The following LIMCH1 variants were observed in gnomAD, a reference collection of about 807,000 sequenced individuals.
LIMCH1 encodes LIM and calponin homology domains-containing protein 1.
A neutral mutation model predicts 176.5 loss-of-function variants in LIMCH1; 113 were observed. The observed-to-expected ratio is 0.64, with a 90% CI of 0.55 to 0.75. The LOEUF (loss-of-function observed/expected upper bound fraction) is 0.75, where lower values mean the gene tolerates loss of function less well. LIMCH1 is among the 30% of genes least tolerant of loss of function. LIMCH1 has a pLI of 0.00. For synonymous variants in LIMCH1, 619 were observed against 645.9 expected (o/e 0.96, Z 0.63); for missense variants, 1,674 against 1,814.9 (o/e 0.92, Z 1.41).
chr4:41,532,509 G>A (rs2077438590), intron 3 of LIMCH1, among the ~76,000 whole-genome samples: 1 of 152,138 alleles, frequency 6.6e-6, no homozygotes, highest in East Asian at 1.9e-4. Context: ...CGGAAACCAG[G>A]GCAACAGATG....
chr4:41,494,605 G>A lies in LIMCH1; in HGVS notation c.166G>A (p.Glu56Lys), dbSNP rs768241351. The A allele has an allele frequency of 5.0e-6, 8 of 1,601,010 alleles. No individual in the cohort carries two copies. Among genetic ancestry groups the A allele is most frequent in the African/African-American group, 4.0e-5 (3 of 74,608 alleles). The stretch of plus-strand genomic sequence containing the variant: ...TTTAGAAAATGGAATCCTCCTCTGC[G>A]AGTAAGTATAGCCTATATTCAGTTG... Residue 56 changes from glutamate (E) to lysine (K), a missense_variant and splice_region_variant, in exon 2 of 27, where the codon GAG becomes AAG. By Grantham distance (56) the Glu-to-Lys change is moderately conservative. Coordinates refer to the LIMCH1 transcript ENST00000313860.
intron 21 of LIMCH1, among the ~76,000 whole-genome samples, chr4:41,667,780 G>A (rs1230791271): frequency 1.3e-5 from 2 of 152,006 alleles, no homozygotes; most frequent in Non-Finnish European, 2.9e-5. Context: ...CAACCCAGAG[G>A]GACTATGCTT....
chr4:41,454,974 GTGTGTT>G (rs774229283), intron 1 of LIMCH1, among the ~76,000 whole-genome samples: 88 of 148,036 alleles, frequency 5.9e-4, no homozygotes, highest in Non-Finnish European at 1.1e-3. Flanking sequence ...GTGTGTGTGT[GTGTGTT>G]TGTGTGGTCA....
intron 1 of LIMCH1, among the ~76,000 whole-genome samples, chr4:41,369,939 A>AGTGTGTGTGTGTGTGT (rs113302113): frequency 0.018 from 2,547 of 138,304 alleles, 89 homozygotes; most frequent in African/African-American, 0.066. Context: ...CAGGAAGCAA[A>AGTGTGTGTGTGTGTGT]GTGTGTGTGT....
chr4:41,646,871 A>C lies in LIMCH1; in HGVS notation c.2798A>C (p.Gln933Pro). 2 of 1,613,742 alleles carry C rather than the reference A, an allele frequency of 1.2e-6. No homozygotes were observed. Among genetic ancestry groups the C allele is most frequent in the East Asian group, 2.2e-5 (1 of 44,868 alleles). Residue 933 changes from glutamine to proline, a missense_variant, in exon 17 of 32, where the codon CAA becomes CCA. Coordinates refer to ENST00000503057, the MANE Select transcript of LIMCH1 (RefSeq NM_001330672.2). Reference sequence around the variant, plus strand: ...CCTTACTCCCAGCCCAAAAATTCTCAAGATGTTCTGAAGACCTTTAAGGTA... The same window carrying C: ...CCTTACTCCCAGCCCAAAAATTCTCCAGATGTTCTGAAGACCTTTAAGGTA... Reference protein sequence around the residue: ...PKPYSQPKNSQDVLKTFKVDG... With the variant: ...PKPYSQPKNSPDVLKTFKVDG...
chr4:41,681,111 G>A, intron 25 of LIMCH1, 52 bp downstream of exon 25: 2 of 1,133,540 alleles, frequency 1.8e-6, no homozygotes, highest in Non-Finnish European at 2.7e-6. Context: ...CTAAATGGAA[G>A]TACCAAACCC....
At chr4:41,533,418 C>T (rs968284487), upstream of LIMCH1, among the ~76,000 whole-genome samples, 4 of 152,224 alleles carry the variant, frequency 2.6e-5, no homozygotes, top group Admixed American at 1.3e-4. Context: ...GTCTATTGAG[C>T]AGCCAGGGCA....
At chr4:41,413,223 T>G (rs1249039501) in intron 1 of LIMCH1, among the ~76,000 whole-genome samples, 1 of 151,924 alleles carries the variant, frequency 6.6e-6, no homozygotes, top group East Asian at 1.9e-4. Flanking sequence ...AATAAGTTTT[T>G]TTTTTTTTTT....
At chr4:41,472,761 A>G (rs2067165081) in intron 1 of LIMCH1, among the ~76,000 whole-genome samples, 1 of 152,148 alleles carries the variant, frequency 6.6e-6, no homozygotes, top group African/African-American at 2.4e-5. Context: ...TCTTGGTTAG[A>G]CAGATTGGGA....
At chr4:41,369,939 A>AGTGTGTGTGTGTGTGTGTGTGTGT (rs113302113) in intron 1 of LIMCH1, among the ~76,000 whole-genome samples, 7,177 of 138,106 alleles carry the variant, frequency 0.052, 302 homozygotes, top group African/African-American at 0.095. Flanking sequence ...CAGGAAGCAA[A>AGTGTGTGTGTGTGTGTGTGTGTGT]GTGTGTGTGT....
At chr4:41,688,341 C>T (rs945516134) in intron 29 of LIMCH1, among the ~76,000 whole-genome samples, 1 of 152,222 alleles carries the variant, frequency 6.6e-6, no homozygotes, top group Non-Finnish European at 1.5e-5. Context: ...TACTCCAGCT[C>T]TCTAATGATG....
At chr4:41,483,735 C>A (rs1048104598) in intron 1 of LIMCH1, among the ~76,000 whole-genome samples, 1 of 152,188 alleles carries the variant, frequency 6.6e-6, no homozygotes, top group Non-Finnish European at 1.5e-5. Flanking sequence ...CTGCCTGGAG[C>A]GCCCTACTTC....
intron 1 of LIMCH1, among the ~76,000 whole-genome samples, chr4:41,470,117 C>G (rs1397711701): frequency 2.0e-5 from 3 of 152,180 alleles, no homozygotes; most frequent in Non-Finnish European, 4.4e-5. Context: ...AATGGGCACC[C>G]CTTACTTACC....
chr4:41,620,316 T>A, intron 6 of LIMCH1, 108 bp from the exon 7 acceptor site: 1 of 1,142,356 alleles, frequency 8.8e-7, no homozygotes, highest in Non-Finnish European at 1.2e-6. Context: ...GTGCTATGAC[T>A]TTCTTTTCTA....
intron 2 of LIMCH1, chr4:41,494,719 G>T: frequency 1.4e-6 from 1 of 716,718 alleles, no homozygotes. Context: ...GTTTGAATCT[G>T]AAACTCAAAA....
intron 1 of LIMCH1, among the ~76,000 whole-genome samples, chr4:41,491,094 G>A (rs1226448184): frequency 7.2e-5 from 10 of 139,392 alleles, no homozygotes; most frequent in South Asian, 7.1e-4. Flanking sequence ...GGTGGTGGCC[G>A]GACAGAGGCG....
In LIMCH1 at chr4:41,698,829, C is replaced by T. The variant is rs757388337; in HGVS notation, c.*1644C>T. 1.3e-5 allele frequency: 2 copies of T among 152,572 alleles called. No individual in the cohort carries two copies. Among genetic ancestry groups the T allele is most frequent in the Non-Finnish European group, 2.9e-5 (2 of 68,034 alleles). The allele number at this position is 152,572 out of a possible 1,614,324, so 9.5% of individuals were successfully genotyped here. The stretch of plus-strand genomic sequence containing the variant: ...TGAGCTGTTATTAGATTGAAATCTA[C>T]ACATCATTTCATTAAAAATTGTGCC... On this transcript the variant is annotated 3_prime_UTR_variant, in exon 32 of 32. Coordinates refer to ENST00000503057, the MANE Select transcript of LIMCH1 (RefSeq NM_001330672.2).
chr4:41,525,732 A>G (rs1056437665), intron 3 of LIMCH1, among the ~76,000 whole-genome samples: 6 of 151,972 alleles, frequency 3.9e-5, no homozygotes, highest in African/African-American at 1.2e-4. Flanking sequence ...TAAATAATAT[A>G]TAAGTATTAT....
chr4:41,506,499 A>C (rs1443738948), intron 2 of LIMCH1, among the ~76,000 whole-genome samples: 3 of 152,180 alleles, frequency 2.0e-5, no homozygotes, highest in Non-Finnish European at 2.9e-5. Flanking sequence ...GTAAGACATG[A>C]TCTTCAAAAG....
Sources: allele counts gnomAD v4.1 joint callset (sites outside exome capture counted in the v4.1 genomes callset), GRCh38; gene constraint gnomAD v4.1.1; transcripts MANE v1.5; gene names NCBI Gene and HGNC (gene_info 2026-07-23, HGNC 2026-07-21).